Variants in PAK3 observed in about 807,000 individuals in gnomAD.
PAK3 encodes the protein p21 (RAC1) activated kinase 3.
In PAK3, 4 loss-of-function variants were observed where a neutral mutation model predicts 41.0. That is an observed-to-expected ratio of 0.10 (90% CI 0.05 to 0.22). PAK3 has a LOEUF of 0.22. Ranked by LOEUF, PAK3 falls within the 10% of genes least tolerant of loss-of-function variation. PAK3 has a pLI of 1.00. For missense variants in PAK3, 205 were observed against 409.9 expected (o/e 0.50, Z 4.32); for synonymous variants, 146 against 139.6 (o/e 1.05, Z -0.32).
chrX:111,070,101 T>C (rs2092730604), intron 1 of PAK3, among the ~76,000 whole-genome samples: 1 of 111,330 alleles, frequency 9.0e-6, no homozygotes, highest in Non-Finnish European at 1.9e-5. Context: ...GGGTACAAGG[T>C]AATCCTGAGA....
At chrX:110,950,538 C>A (rs1209772089) in intron 1 of PAK3, among the ~76,000 whole-genome samples, 3 of 111,660 alleles carry the variant, frequency 2.7e-5, no homozygotes, top group Admixed American at 9.5e-5. Flanking sequence ...TTAAGCCCCG[C>A]ATGCATTAGG....
intron 1 of PAK3, among the ~76,000 whole-genome samples, chrX:111,028,326 T>C (rs1258997921): frequency 9.2e-6 from 1 of 109,191 alleles, no homozygotes; most frequent in Non-Finnish European, 1.9e-5. Context: ...TGCACAAAAA[T>C]ATCGGAAATC....
chrX:111,189,465 G>T (rs933065878), intron 11 of PAK3, among the ~76,000 whole-genome samples: 2 of 111,866 alleles, frequency 1.8e-5, no homozygotes, highest in Non-Finnish European at 3.8e-5. Context: ...GGGTCAAATG[G>T]TAGTTCCGTT....
chrX:111,127,679 C>G (rs1362035047), intron 5 of PAK3, among the ~76,000 whole-genome samples: 1 of 111,224 alleles, frequency 9.0e-6, no homozygotes, highest in Non-Finnish European at 1.9e-5. Flanking sequence ...TCAGGTTTCT[C>G]TTTTGTTGGC....
chrX:111,065,109 G>A (rs1417095685), intron 1 of PAK3, among the ~76,000 whole-genome samples: 1 of 112,238 alleles, frequency 8.9e-6, no homozygotes, highest in Non-Finnish European at 1.9e-5. Flanking sequence ...TAGGAGTGGT[G>A]AGAGTGAGCA....
intron 1 of PAK3, among the ~76,000 whole-genome samples, chrX:111,017,068 ACG>A (rs2092103403): frequency 9.1e-6 from 1 of 109,362 alleles, no homozygotes; most frequent in African/African-American, 3.3e-5. Context: ...TTTATGGAAC[ACG>A]GTGAAAGCAG....
intron 1 of PAK3, among the ~76,000 whole-genome samples, chrX:110,962,839 G>T (rs2091007104): frequency 8.9e-6 from 1 of 112,546 alleles, no homozygotes; most frequent in Non-Finnish European, 1.9e-5. Flanking sequence ...TATTTATCAG[G>T]AACAGAAGGG....
At chrX:110,986,219 T>G (rs2091540755) in intron 1 of PAK3, among the ~76,000 whole-genome samples, 1 of 112,080 alleles carries the variant, frequency 8.9e-6, no homozygotes, top group African/African-American at 3.2e-5. Flanking sequence ...CTTGGAATCT[T>G]TCTGACATCA....
intron 1 of PAK3, among the ~76,000 whole-genome samples, chrX:111,008,344 G>C (rs1020676930): frequency 2.7e-5 from 3 of 112,567 alleles, no homozygotes; most frequent in African/African-American, 9.7e-5. Flanking sequence ...CAGCCAACAT[G>C]AAATATCATA....
chrX:111,150,167 A>G (rs7881517), intron 7 of PAK3, among the ~76,000 whole-genome samples: 15,879 of 111,513 alleles, frequency 0.14, 2,296 homozygotes, highest in African/African-American at 0.45. Flanking sequence ...CCAGTTCCCA[A>G]AAGTTCCTCA....
At chrX:110,948,260 AC>A (rs1294964033) in intron 1 of PAK3, among the ~76,000 whole-genome samples, 2 of 112,089 alleles carry the variant, frequency 1.8e-5, no homozygotes, top group African/African-American at 6.5e-5. Flanking sequence ...CTGAACATAC[AC>A]TGCTGACTAG....
At chrX:111,128,452 T>C (rs1261241979) in intron 5 of PAK3, among the ~76,000 whole-genome samples, 1 of 112,219 alleles carries the variant, frequency 8.9e-6, no homozygotes, top group Non-Finnish European at 1.9e-5. Flanking sequence ...TTACATGTAT[T>C]GATTTAACAC....
At chrX:111,044,084 A>G (rs1275542042) in intron 1 of PAK3, among the ~76,000 whole-genome samples, 1 of 111,520 alleles carries the variant, frequency 9.0e-6, no homozygotes, top group Non-Finnish European at 1.9e-5. Flanking sequence ...TTCAACCATT[A>G]TAAGAAACCC....
chrX:110,952,138 C>T (rs1325595690), intron 1 of PAK3, among the ~76,000 whole-genome samples: 1 of 112,221 alleles, frequency 8.9e-6, no homozygotes, highest in Non-Finnish European at 1.9e-5. Flanking sequence ...CTTACTCTGC[C>T]TGGGCTTGCT....
At position 111,006,476 on chromosome X, in the gene PAK3, C is replaced by A. The variant is rs186228196; in HGVS notation, c.-28+61848C>A. On this transcript the variant is annotated intron_variant, in intron 1 of 14. Coordinates refer to the PAK3 transcript ENST00000425146. ...GCAAAATGCTAACAATTTGGCTCATCTGGGTGAGGGGTATACAGGGTTTTT... is the reference window on the plus strand; with the variant it reads ...GCAAAATGCTAACAATTTGGCTCATATGGGTGAGGGGTATACAGGGTTTTT... Among the ~76,000 whole-genome samples the A allele has an allele frequency of 3.6e-5, 4 of 112,042 alleles. No individual in the cohort carries two copies. The Admixed American group carries it at 3.8e-4, about 11-fold the overall frequency.
At chrX:111,061,658 G>A (rs1030322805) in intron 1 of PAK3, among the ~76,000 whole-genome samples, 25 of 111,440 alleles carry the variant, frequency 2.2e-4, no homozygotes, top group African/African-American at 5.5e-4. Flanking sequence ...AGTTTTCTCC[G>A]TAAAAACTTT....
At chrX:111,102,557 A>AT (rs1292563721) in intron 3 of PAK3, among the ~76,000 whole-genome samples, 1 of 111,701 alleles carries the variant, frequency 9.0e-6, no homozygotes, top group Non-Finnish European at 1.9e-5. Flanking sequence ...ATGGAGGTGG[A>AT]GACTTAGAGT....
At chrX:111,151,198 A>G (rs2094021879) in intron 7 of PAK3, among the ~76,000 whole-genome samples, 1 of 112,604 alleles carries the variant, frequency 8.9e-6, no homozygotes, top group African/African-American at 3.2e-5. Flanking sequence ...CTGTGCTCCA[A>G]GTTAGAACCA....
intron 5 of PAK3, among the ~76,000 whole-genome samples, chrX:111,124,499 G>T (rs1239401889): frequency 8.9e-6 from 1 of 111,907 alleles, no homozygotes; most frequent in Non-Finnish European, 1.9e-5. Context: ...AGTTCCTGCA[G>T]CTCTCATGTT....
Sources: gnomAD v4.1 joint callset for allele counts (sites outside exome capture counted in the v4.1 genomes callset) on GRCh38, gnomAD v4.1.1 for gene constraint, MANE v1.5 for transcripts, NCBI Gene and HGNC (gene_info 2026-07-23, HGNC 2026-07-21) for gene names.